The following FOCAD variants were observed in gnomAD, a reference collection of about 807,000 sequenced individuals.
FOCAD encodes the protein KIAA1797.
FOCAD carries 198 observed loss-of-function variants against 225.6 expected under a neutral mutation model. The ratio of observed to expected loss-of-function variants is 0.88; its 90% CI spans 0.78 to 0.99. The LOEUF (loss-of-function observed/expected upper bound fraction) is 0.99. Ranked by LOEUF, FOCAD falls within the 50% of genes least tolerant of loss-of-function variation. The pLI is 0.00. For synonymous variants in FOCAD, 897 were observed against 755.0 expected (o/e 1.19, Z -3.08); for missense variants, 2,713 against 2,123.6 (o/e 1.28, Z -5.46).
intron 11 of FOCAD, among the ~76,000 whole-genome samples, chr9:20,819,414 G>C (rs1824077509): frequency 6.6e-6 from 1 of 151,904 alleles, no homozygotes; most frequent in Non-Finnish European, 1.5e-5. Flanking sequence ...GGGTCTTCCT[G>C]TGTTGCCCAG....
At position 20,660,821 on chromosome 9, in the gene FOCAD, AAG is replaced by A. The variant is rs548265705; in HGVS notation, c.-78+1998_-78+1999del. Reference sequence around the variant, plus strand: ...TCATAGTGACTGGAGAAGTTAGAAAAAGAGCATACAGAAATAAAAGAAGAATT... The same window carrying A: ...TCATAGTGACTGGAGAAGTTAGAAAAAGCATACAGAAATAAAAGAAGAATT... On this transcript the variant is annotated intron_variant, in intron 2 of 45. Transcript: ENST00000380249. Among the ~76,000 whole-genome samples the A allele has an allele frequency of 3.8e-3, 581 of 152,236 alleles. 4 individuals carry two copies. The highest frequency in any genetic ancestry group is 0.014 in the African/African-American group (566 of 41,516).
At chr9:20,815,123 G>GT (rs71334554) in intron 11 of FOCAD, among the ~76,000 whole-genome samples, 36 of 85,374 alleles carry the variant, frequency 4.2e-4, no homozygotes, top group African/African-American at 5.1e-4. Flanking sequence ...ACTTCTCTTT[G>GT]TTTTTTTTTT....
chr9:20,690,734 G>A (rs1483088350), intron 1 of FOCAD, among the ~76,000 whole-genome samples: 2 of 151,978 alleles, frequency 1.3e-5, no homozygotes, highest in African/African-American at 2.4e-5. Flanking sequence ...TTCTTGTAGC[G>A]GTGGGGGTCT....
intron 11 of FOCAD, among the ~76,000 whole-genome samples, chr9:20,791,490 TG>T (rs1443604713): frequency 6.6e-6 from 1 of 152,204 alleles, no homozygotes; most frequent in Non-Finnish European, 1.5e-5. Context: ...GTGTGCATGT[TG>T]GGAACATTCA....
intron 15 of FOCAD, among the ~76,000 whole-genome samples, chr9:20,832,339 A>T (rs1825581069): frequency 6.6e-6 from 1 of 151,880 alleles, no homozygotes; most frequent in South Asian, 2.1e-4. Context: ...AATAAGTCAG[A>T]TTCTCCTGGA....
In FOCAD at chr9:20,826,192, A is replaced by G. The variant is rs553916632; in HGVS notation, c.1920+3077A>G. Among the ~76,000 whole-genome samples, 3 of 152,232 alleles carry G rather than the reference A, an allele frequency of 2.0e-5. 1 individual carries two copies. The South Asian group carries it at 6.2e-4, about 32-fold the overall frequency. ...GAGGGTTTTGCCAAAAGAGATTAAC[A>G]TTTGAGTCAGTGGACTGGGAGAGGC... On this transcript the variant is annotated intron_variant, in intron 15 of 43. Transcript: ENST00000338382.
intron 4 of FOCAD, among the ~76,000 whole-genome samples, chr9:20,737,350 CAAAT>C (rs199794313): frequency 0.013 from 1,963 of 152,120 alleles, 51 homozygotes; most frequent in African/African-American, 0.045. Context: ...AGTCATATGA[CAAAT>C]AAATAATTAA....
At chr9:20,694,225 A>C (rs1466390076) in intron 1 of FOCAD, among the ~76,000 whole-genome samples, 1 of 152,202 alleles carries the variant, frequency 6.6e-6, no homozygotes, top group Non-Finnish European at 1.5e-5. Context: ...TAGGGCAGAA[A>C]ATTTTCAAAC....
At position 20,959,700 on chromosome 9, in the gene FOCAD, G is replaced by A. The variant is rs569757838; in HGVS notation, c.4132+6635G>A. On this transcript the variant is annotated intron_variant, in intron 35 of 43. Transcript: ENST00000338382. ...TTATGTCTTTGATGCATTTTGAATTGATTTTTGTAGGGCGAGAGATTGGGG... is the reference window on the plus strand; with the variant it reads ...TTATGTCTTTGATGCATTTTGAATTAATTTTTGTAGGGCGAGAGATTGGGG... Among the ~76,000 whole-genome samples, 8 of 152,060 alleles carry A rather than the reference G, an allele frequency of 5.3e-5. No homozygotes were observed. The South Asian group carries it at 1.7e-3, about 32-fold the overall frequency.
At chr9:20,927,540 A>AT (rs1835074209) in intron 26 of FOCAD, among the ~76,000 whole-genome samples, 1 of 152,008 alleles carries the variant, frequency 6.6e-6, no homozygotes, top group Admixed American at 6.6e-5. Context: ...TAAAAAAAAA[A>AT]GCCACCTGTT....
At chr9:20,957,053 C>A (rs1838213119) in intron 35 of FOCAD, among the ~76,000 whole-genome samples, 1 of 152,076 alleles carries the variant, frequency 6.6e-6, no homozygotes, top group African/African-American at 2.4e-5. Context: ...ATCACCATAA[C>A]AATTGTATAA....
chr9:20,711,089 A>G (rs964169273), intron 1 of FOCAD, among the ~76,000 whole-genome samples: 2 of 152,254 alleles, frequency 1.3e-5, no homozygotes, highest in African/African-American at 4.8e-5. Flanking sequence ...CATGTGCCTC[A>G]GACCAAAATG....
intron 21 of FOCAD, among the ~76,000 whole-genome samples, chr9:20,890,903 C>T (rs1406157427): frequency 6.6e-6 from 1 of 151,958 alleles, no homozygotes; most frequent in Admixed American, 6.6e-5. Context: ...CCTACAGACA[C>T]ACCTCATTTT....
intron 8 of FOCAD, among the ~76,000 whole-genome samples, chr9:20,775,710 C>T (rs1818687558): frequency 6.6e-6 from 1 of 152,088 alleles, no homozygotes; most frequent in African/African-American, 2.4e-5. Context: ...AGCATATGTC[C>T]TTAGTGCCTG....
intron 1 of FOCAD, among the ~76,000 whole-genome samples, chr9:20,685,256 G>C (rs959713212): frequency 1.3e-5 from 2 of 151,182 alleles, no homozygotes; most frequent in African/African-American, 4.9e-5. Flanking sequence ...TGGCTCTGAG[G>C]GTGTAATCCT....
intron 7 of FOCAD, among the ~76,000 whole-genome samples, chr9:20,767,184 A>G (rs1214726767): frequency 6.6e-6 from 1 of 150,896 alleles, no homozygotes; most frequent in Non-Finnish European, 1.5e-5. Flanking sequence ...ATAGTATTCC[A>G]TGGTGTATAT....
chr9:20,921,274 C>A (rs996818751), intron 24 of FOCAD, among the ~76,000 whole-genome samples: 1 of 152,112 alleles, frequency 6.6e-6, no homozygotes, highest in African/African-American at 2.4e-5. Context: ...CTCAGCCTTC[C>A]TTGTGCTTTT....
chr9:20,695,197 T>G (rs975241561), intron 1 of FOCAD, among the ~76,000 whole-genome samples: 4 of 148,218 alleles, frequency 2.7e-5, no homozygotes, highest in African/African-American at 1.1e-4. Flanking sequence ...AGTGGCAAAT[T>G]TTTTTTTAGG....
intron 4 of FOCAD, among the ~76,000 whole-genome samples, chr9:20,721,118 C>T (rs749451936): frequency 9.2e-5 from 14 of 152,136 alleles, no homozygotes; most frequent in Non-Finnish European, 1.5e-4. Flanking sequence ...AATGGTCAAA[C>T]AGGACCATGT....
Sources: allele counts gnomAD v4.1 joint callset (sites outside exome capture counted in the v4.1 genomes callset), GRCh38; gene constraint gnomAD v4.1.1; transcripts MANE v1.5; gene names NCBI Gene and HGNC (gene_info 2026-07-23, HGNC 2026-07-21).